Variants in MAP3K5 observed in about 807,000 individuals in gnomAD.
MAP3K5 encodes the protein mitogen-activated protein kinase kinase kinase 5.
Under a neutral mutation model 158.7 loss-of-function variants are expected in MAP3K5, and 56 were observed. The ratio of observed to expected loss-of-function variants is 0.35; its 90% CI spans 0.28 to 0.44. The LOEUF (loss-of-function observed/expected upper bound fraction) is 0.44. Among genes scored for constraint, MAP3K5 ranks in the 20% least tolerant of loss-of-function variants. The pLI is 1.00. For missense variants in MAP3K5, 1,294 were observed against 1,674.8 expected (o/e 0.77, Z 3.97); for synonymous variants, 579 against 601.7 (o/e 0.96, Z 0.55).
chr6:136,577,491 A>G (rs1186206674), intron 25 of MAP3K5, among the ~76,000 whole-genome samples: 1 of 152,234 alleles, frequency 6.6e-6, no homozygotes, highest in Non-Finnish European at 1.5e-5. Context: ...AAAGAAACCA[A>G]TTTCATGGTG....
chr6:136,717,978 C>T (rs1363010130), intron 2 of MAP3K5, among the ~76,000 whole-genome samples: 1 of 152,142 alleles, frequency 6.6e-6, no homozygotes, highest in African/African-American at 2.4e-5. Flanking sequence ...TAAATGAACA[C>T]ACTCAGCAGG....
At chr6:136,649,632 T>TAC (rs1778429753) in intron 11 of MAP3K5, among the ~76,000 whole-genome samples, 1 of 152,170 alleles carries the variant, frequency 6.6e-6, no homozygotes, top group South Asian at 2.1e-4. Flanking sequence ...CCCAAATGAT[T>TAC]ACTCCCATGC....
At chr6:136,627,147 G>T (rs1216998399) in intron 14 of MAP3K5, among the ~76,000 whole-genome samples, 1 of 151,852 alleles carries the variant, frequency 6.6e-6, no homozygotes, top group Non-Finnish European at 1.5e-5. Context: ...CTTTTACTAT[G>T]TATTTCAAAT....
At chr6:136,690,887 C>T (rs1780354950) in intron 7 of MAP3K5, among the ~76,000 whole-genome samples, 3 of 152,146 alleles carry the variant, frequency 2.0e-5, no homozygotes, top group African/African-American at 2.4e-5. Flanking sequence ...GTTCTGCTGG[C>T]AACAAATTAT....
At chr6:136,780,697 A>G (rs1784579776) in intron 1 of MAP3K5, among the ~76,000 whole-genome samples, 1 of 152,234 alleles carries the variant, frequency 6.6e-6, no homozygotes, top group Non-Finnish European at 1.5e-5. Context: ...TAAAACAAGT[A>G]TGTCAAAATG....
chr6:136,710,112 A>T (rs1781246761), intron 2 of MAP3K5, among the ~76,000 whole-genome samples: 2 of 152,218 alleles, frequency 1.3e-5, no homozygotes, highest in South Asian at 2.1e-4. Context: ...CTGTTTGTTC[A>T]TTTAACTCAA....
intron 23 of MAP3K5, among the ~76,000 whole-genome samples, chr6:136,590,451 G>A (rs1223102693): frequency 2.6e-5 from 4 of 151,604 alleles, no homozygotes; most frequent in Non-Finnish European, 5.9e-5. Flanking sequence ...TTTGCCCAAT[G>A]TTGTTTCCTT....
At chr6:136,673,770 ACAC>A (rs1331357601) in intron 7 of MAP3K5, among the ~76,000 whole-genome samples, 10 of 151,840 alleles carry the variant, frequency 6.6e-5, no homozygotes, top group African/African-American at 1.9e-4. Context: ...AACAGAGGAG[ACAC>A]AGTTAAATGG....
At position 136,656,323 on chromosome 6, in the gene MAP3K5, G is replaced by A; in HGVS notation, c.1664C>T (p.Thr555Ile). ...AGTACTCACTGGAAACCTAACCACA[G>A]TAACATCTGTCTTTGTGGCCTCGAC... Reference protein sequence around the residue: ...FLVEATKTDVTVVRFPVLILE... With the variant: ...FLVEATKTDVIVVRFPVLILE... The change falls in exon 10 of 30, where the codon ACT becomes ATT. Residue 555 changes from threonine to isoleucine, a missense_variant. Transcript: ENST00000359015. 6.2e-7 allele frequency: 1 copy of A among 1,613,868 alleles called. No individual in the cohort carries two copies. The highest frequency in any genetic ancestry group is 8.5e-7 in the Non-Finnish European group (1 of 1,179,822).
chr6:136,653,146 G>A (rs762269670), intron 10 of MAP3K5, among the ~76,000 whole-genome samples: 6 of 152,054 alleles, frequency 3.9e-5, no homozygotes, highest in Non-Finnish European at 5.9e-5. Flanking sequence ...CCTCTTTCCC[G>A]ACGTTAGATA....
Position 136,656,099 on chromosome 6 carries a change from A to G in MAP3K5, c.1680+208T>C, listed in dbSNP as rs1583355711. 7 of 520,054 alleles carry G rather than the reference A, an allele frequency of 1.3e-5. No homozygotes were observed. The East Asian group carries it at 2.4e-4, about 18-fold the overall frequency. 32.2% of individuals were successfully genotyped at this position (520,054 alleles called of 1,614,324 possible). A position where few individuals can be genotyped will look rare whatever the true frequency, so the allele number is the denominator to read the frequency against. On this transcript the variant is annotated intron_variant, in intron 10 of 29. Transcript: ENST00000359015. ...GGAACCACCCAAATTCCATGGCAAA[A>G]ACATAAAAATAGATCTCATTTCTCT...
chr6:136,613,048 T>C lies in MAP3K5; in HGVS notation c.2415+72A>G. On this transcript the variant is annotated intron_variant, in intron 17 of 29. Coordinates refer to ENST00000359015, the MANE Select transcript of MAP3K5 (RefSeq NM_005923.4). The surrounding 1 kb of genome is among the most constrained non-coding windows in gnomAD (Gnocchi z 4.0). ...TTCTAAATTAATACTCATAACACAA[T>C]ATGACTTTTGCAAGTAAAATAATAA... 7.1e-7 allele frequency: 1 copy of C among 1,400,648 alleles called. No individual in the cohort carries two copies. The highest frequency in any genetic ancestry group is 9.7e-7 in the Non-Finnish European group (1 of 1,031,586). 86.8% of individuals were successfully genotyped at this position (1,400,648 alleles called of 1,614,324 possible).
chr6:136,662,415 T>C (rs76988729), intron 8 of MAP3K5, among the ~76,000 whole-genome samples: 1,706 of 152,374 alleles, frequency 0.011, 38 homozygotes, highest in African/African-American at 0.039. Context: ...TTGCACAAAC[T>C]TGTTTCTACA....
At chr6:136,658,695 G>T (rs764439393) in intron 9 of MAP3K5, among the ~76,000 whole-genome samples, 30 of 152,172 alleles carry the variant, frequency 2.0e-4, no homozygotes, top group Non-Finnish European at 3.4e-4. Context: ...ATAATGATGA[G>T]ATTTGGGTGC....
At chr6:136,697,468 A>T (rs552832029) in intron 4 of MAP3K5, 81 bp from the exon 5 acceptor site, 1 of 1,158,760 alleles carries the variant, frequency 8.6e-7, no homozygotes, top group Admixed American at 2.1e-5. Context: ...TAAAGACATG[A>T]ATGATATTGC....
intron 1 of MAP3K5, among the ~76,000 whole-genome samples, chr6:136,778,196 G>A (rs17065621): frequency 0.017 from 2,658 of 151,996 alleles, 36 homozygotes; most frequent in Non-Finnish European, 0.03. Context: ...GATCTGAAAG[G>A]TTTTTAATAC....
chr6:136,567,670 AGTGACCGG>A lies in MAP3K5; in HGVS notation c.3714_3721del (p.Arg1239GlufsTer13). ...TTTCATCCTTCCAAGCTGTACATTC[AGTGACCGG>A]TGAGCACTCTGGGAATCATGAGACA... is the stretch of plus-strand genomic sequence containing the variant. On this transcript the variant is annotated frameshift_variant, in exon 26 of 30. Transcript: ENST00000359015. LOFTEE classifies it high-confidence loss of function. The A allele has an allele frequency of 6.2e-7, 1 of 1,614,208 alleles. No homozygotes were observed. Among genetic ancestry groups the A allele is most frequent in the Non-Finnish European group, 8.5e-7 (1 of 1,180,032 alleles).
chr6:136,560,950 T>TATAAAATAAAATAAA (rs375236222), intron 28 of MAP3K5, among the ~76,000 whole-genome samples: 2,730 of 144,718 alleles, frequency 0.019, 85 homozygotes, highest in East Asian at 0.092. Flanking sequence ...TCCAAAAAAA[T>TATAAAATAAAATAAA]ATAAAATAAA....
intron 9 of MAP3K5, among the ~76,000 whole-genome samples, chr6:136,657,400 T>G (rs1778800061): frequency 6.6e-6 from 1 of 152,226 alleles, no homozygotes; most frequent in South Asian, 2.1e-4. Flanking sequence ...TTGCATAGAA[T>G]AGTGCCTGTT....
Sources: gnomAD v4.1 joint callset for allele counts (sites outside exome capture counted in the v4.1 genomes callset) on GRCh38, gnomAD v4.1.1 for gene constraint, Gnocchi (gnomAD v3.1) non-coding constraint, MANE v1.5 for transcripts, NCBI Gene and HGNC (gene_info 2026-07-23, HGNC 2026-07-21) for gene names.